MYO7B: variants seen among roughly 807,000 people sequenced by gnomAD.
The protein encoded by MYO7B is myosin VIIB.
A neutral mutation model predicts 259.7 loss-of-function variants in MYO7B; 212 were observed. That is an observed-to-expected ratio of 0.82 (90% CI 0.73 to 0.91). MYO7B has a LOEUF of 0.91. Ranked by LOEUF, MYO7B falls within the 40% of genes least tolerant of loss-of-function variation. MYO7B has a pLI of 0.00. For synonymous variants in MYO7B, 1,197 were observed against 1,166.4 expected (o/e 1.03, Z -0.54); for missense variants, 2,732 against 2,813.5 (o/e 0.97, Z 0.66).
rs1681551153 is a variant in MYO7B at position 127,632,161 on chromosome 2, TCA to T, written c.5250-82_5250-81del. 2.2e-5 allele frequency: 32 copies of T among 1,471,842 alleles called. No homozygotes were observed. In the South Asian group the frequency reaches 3.2e-4, roughly 15 times the overall value. 91.2% of individuals were successfully genotyped at this position (1,471,842 alleles called of 1,614,324 possible). On this transcript the variant is annotated intron_variant, in intron 38 of 47. Transcript: ENST00000409816. Reference sequence around the variant, plus strand: ...GGGCCCTCTAGACCCCAGGCAGCTCTCACATCCGTCCCTGCTCCCCAAGGTGC... The same window carrying T: ...GGGCCCTCTAGACCCCAGGCAGCTCTCATCCGTCCCTGCTCCCCAAGGTGC...
At position 127,578,219 on chromosome 2, in the gene MYO7B, C is replaced by T; in HGVS notation, c.936C>T (p.Asp312=). Residue 312 remains aspartate, a synonymous_variant, in exon 9 of 48, where the codon GAC becomes GAT. Coordinates refer to ENST00000409816, the MANE Select transcript of MYO7B (RefSeq NM_001393586.1). ...RSAMKILQFS[D]SESWDVIKLL... is the part of the protein sequence containing the mutation. Reference sequence around the variant, plus strand: ...CCATGAAGATCCTCCAGTTCTCCGACTCCGAGAGCTGGGACGTCATCAAGC... The same window carrying T: ...CCATGAAGATCCTCCAGTTCTCCGATTCCGAGAGCTGGGACGTCATCAAGC... 1.2e-6 allele frequency: 2 copies of T among 1,613,858 alleles called. No individual in the cohort carries two copies. Among genetic ancestry groups the T allele is most frequent in the South Asian group, 2.2e-5 (2 of 91,058 alleles).
chr2:127,566,877 C>T (rs2104875536), intron 5 of MYO7B, 50 bp downstream of exon 5: 5 of 1,556,818 alleles, frequency 3.2e-6, no homozygotes, highest in Non-Finnish European at 4.3e-6. Context: ...CTGAACTGCT[C>T]CCCACCAGCA....
At chr2:127,602,612 T>C (rs1680003840) in intron 19 of MYO7B, among the ~76,000 whole-genome samples, 1 of 152,158 alleles carries the variant, frequency 6.6e-6, no homozygotes, top group Non-Finnish European at 1.5e-5. Flanking sequence ...ATGACGCCAC[T>C]GCACTCCAGC....
intron 1 of MYO7B, among the ~76,000 whole-genome samples, chr2:127,541,041 T>A (rs1239590939): frequency 6.6e-6 from 1 of 152,270 alleles, no homozygotes; most frequent in African/African-American, 2.4e-5. Context: ...TATCTCTCTC[T>A]ACTGTGAATG....
At chr2:127,608,926 A>T in intron 22 of MYO7B, 48 bp downstream of exon 22, 2 of 1,572,578 alleles carry the variant, frequency 1.3e-6, no homozygotes, top group Non-Finnish European at 1.7e-6. Context: ...GGGACAGGGA[A>T]GCCTGCCCAG....
At position 127,629,802 on chromosome 2, in the gene MYO7B, C is replaced by T. The variant is rs991729611; in HGVS notation, c.4782C>T (p.Val1594=). 2.5e-6 allele frequency: 4 copies of T among 1,579,878 alleles called. No homozygotes were observed. The African/African-American group carries it at 5.4e-5, about 21-fold the overall frequency. ...PMACLYTIPT[V]TKPSAQLLSL... Reference sequence around the variant, plus strand: ...CCTGCCTCTACACCATCCCCACGGTCACTAAGCCCTCGGCACAGCTGCTGG... The same window carrying T: ...CCTGCCTCTACACCATCCCCACGGTTACTAAGCCCTCGGCACAGCTGCTGG... Residue 1594 remains valine (V), a synonymous_variant, in exon 35 of 48, where the codon GTC becomes GTT. Coordinates refer to ENST00000409816, the MANE Select transcript of MYO7B (RefSeq NM_001393586.1).
chr2:127,635,991 CA>C, intron 44 of MYO7B, 84 bp downstream of exon 44: 1 of 1,469,868 alleles, frequency 6.8e-7, no homozygotes, highest in Non-Finnish European at 9.2e-7. Flanking sequence ...GCCTGGGCTC[CA>C]AGATCACATG....
intron 6 of MYO7B, among the ~76,000 whole-genome samples, chr2:127,571,800 C>T (rs1020622179): frequency 4.6e-5 from 7 of 152,092 alleles, no homozygotes; most frequent in African/African-American, 4.8e-5. Flanking sequence ...TTTAAGAGTT[C>T]GTTCTGTGTT....
chr2:127,568,854 T>C (rs1230447217), intron 5 of MYO7B, among the ~76,000 whole-genome samples: 1 of 150,324 alleles, frequency 6.7e-6, no homozygotes, highest in Non-Finnish European at 1.5e-5. Flanking sequence ...GCTGAGATCG[T>C]GCCATTGCAC....
At position 127,590,010 on chromosome 2, in the gene MYO7B, G is replaced by A. The variant is rs555460681; in HGVS notation, c.1855-82G>A. On this transcript the variant is annotated intron_variant, in intron 15 of 47. Coordinates refer to ENST00000409816, the MANE Select transcript of MYO7B (RefSeq NM_001393586.1). This position sits in a 1 kb window ranked among gnomAD's most constrained non-coding sequence, Gnocchi z 4.6. ...CCACCCCACCTGTGGGGCCTTGGCC[G>A]CAACCCTTGCTGGCCTACAGGGTCA... 8.9e-4 allele frequency: 1,313 copies of A among 1,482,802 alleles called. 24 individuals carry two copies. The South Asian group carries it at 0.013, about 14-fold the overall frequency. 91.9% of individuals were successfully genotyped at this position (1,482,802 alleles called of 1,614,324 possible).
rs1279451135 is a variant in MYO7B, at chr2:127,582,570, A to C, written c.1343+124A>C. Reference sequence around the variant, plus strand: ...ACCCAGGCCTGGCGAGTCCCACCAGATCCGTGTGCTCTGCATGGGGTGGCT... The same window carrying C: ...ACCCAGGCCTGGCGAGTCCCACCAGCTCCGTGTGCTCTGCATGGGGTGGCT... On this transcript the variant is annotated intron_variant, in intron 12 of 47. Transcript: ENST00000409816. 4.3e-6 allele frequency: 5 copies of C among 1,162,040 alleles called. No individual in the cohort carries two copies. In the Admixed American group the frequency reaches 1.1e-4, roughly 27 times the overall value. The allele number at this position is 1,162,040 out of a possible 1,614,324, so 72.0% of individuals were successfully genotyped here.
chr2:127,593,002 T>TC, intron 17 of MYO7B, 56 bp downstream of exon 17: 3 of 1,406,920 alleles, frequency 2.1e-6, no homozygotes, highest in South Asian at 1.3e-5. Flanking sequence ...CCCCTCGGCC[T>TC]TGGCACCTCC....
At position 127,623,292 on chromosome 2, in the gene MYO7B, C is replaced by CGG. The variant is rs1222786741; in HGVS notation, c.3738_3739dup (p.Glu1247GlyfsTer39). On this transcript the variant is annotated frameshift_variant, in exon 29 of 48. Transcript: ENST00000409816. LOFTEE classifies it high-confidence loss of function. ...CCCCGTGGACTCAGCCTCCACATCT[C>CGG]GGGAAATGTGCATGCACATCGCTCA... is the stretch of plus-strand genomic sequence containing the variant. The CGG allele has an allele frequency of 6.2e-7, 1 of 1,613,478 alleles. No individual in the cohort carries two copies. The highest frequency in any genetic ancestry group is 1.3e-5 in the African/African-American group (1 of 75,024).
At chr2:127,544,868 C>A (rs1393816289) in intron 1 of MYO7B, among the ~76,000 whole-genome samples, 1 of 151,594 alleles carries the variant, frequency 6.6e-6, no homozygotes, top group Non-Finnish European at 1.5e-5. Context: ...GCATGAGACA[C>A]CGCGCCCGGC....
chr2:127,560,006 ATTTCT>A lies in MYO7B; in HGVS notation c.18+290_18+294del, dbSNP rs1273576681. On this transcript the variant is annotated intron_variant, in intron 2 of 47. Transcript: ENST00000409816. ...CATGTCCCTTTGTCTTGATAAAGGG[ATTTCT>A]TTTCTTTTCTTTTCTTTTCTTTTTT... 3.4e-3 allele frequency among the ~76,000 whole-genome samples: 498 copies of A among 147,826 alleles called. 2 individuals are homozygous for A. Among genetic ancestry groups the A allele is most frequent in the African/African-American group, 0.012 (466 of 39,926 alleles).
Position 127,559,877 on chromosome 2 carries a change from C to A in MYO7B, c.18+137C>A. On this transcript the variant is annotated intron_variant, in intron 2 of 47. Coordinates refer to ENST00000409816, the MANE Select transcript of MYO7B (RefSeq NM_001393586.1). The surrounding 1 kb of genome is among the most constrained non-coding windows in gnomAD (Gnocchi z 4.1). ...CAGAGACAGGGGAGTTTAGGAAACA[C>A]GACAGATTCTAGCATCTAAAGAAAA... The A allele has an allele frequency of 1.9e-6, 2 of 1,037,336 alleles. No homozygotes were observed. The highest frequency in any genetic ancestry group is 3.0e-6 in the Non-Finnish European group (2 of 667,588). 64.3% of individuals were successfully genotyped at this position (1,037,336 alleles called of 1,614,324 possible).
At chr2:127,622,574 G>C (rs1055223393) in intron 28 of MYO7B, among the ~76,000 whole-genome samples, 1 of 150,490 alleles carries the variant, frequency 6.6e-6, no homozygotes, top group African/African-American at 2.4e-5. Context: ...GGTGGCGAGA[G>C]CACACCTGCA....
At chr2:127,575,018 G>A (rs1678806259) in intron 7 of MYO7B, among the ~76,000 whole-genome samples, 1 of 152,162 alleles carries the variant, frequency 6.6e-6, no homozygotes, top group African/African-American at 2.4e-5. Flanking sequence ...GTGTGCAAAT[G>A]AGTGCACACA....
chr2:127,536,053 G>T (rs567574714), intron 1 of MYO7B, among the ~76,000 whole-genome samples: 1 of 152,256 alleles, frequency 6.6e-6, no homozygotes, highest in East Asian at 1.9e-4. Context: ...AGGAGGAGGA[G>T]GGGGAGAAGC....
Sources: allele counts gnomAD v4.1 joint callset (sites outside exome capture counted in the v4.1 genomes callset), GRCh38; gene constraint gnomAD v4.1.1; non-coding constraint Gnocchi (gnomAD v3.1); transcripts MANE v1.5; gene names NCBI Gene and HGNC (gene_info 2026-07-23, HGNC 2026-07-21).